THSD4: variants seen among roughly 807,000 people sequenced by gnomAD.
The protein encoded by THSD4 is thrombospondin type-1 domain-containing protein 4.
A neutral mutation model predicts 119.0 loss-of-function variants in THSD4; 69 were observed. The ratio of observed to expected loss-of-function variants is 0.58; its 90% CI spans 0.48 to 0.71. THSD4 has a LOEUF of 0.71. Among genes scored for constraint, THSD4 ranks in the 30% least tolerant of loss-of-function variants. The pLI is 0.00. For synonymous variants in THSD4, 524 were observed against 540.4 expected (o/e 0.97, Z 0.42); for missense variants, 1,393 against 1,391.1 (o/e 1.00, Z -0.02).
intron 6 of THSD4, among the ~76,000 whole-genome samples, chr15:71,363,599 C>T (rs1163842000): frequency 1.3e-5 from 2 of 152,152 alleles, no homozygotes; most frequent in African/African-American, 4.8e-5. Context: ...GACTCCTTTT[C>T]AAAGACAAAA....
chr15:71,366,275 C>G (rs10851841), intron 6 of THSD4, among the ~76,000 whole-genome samples: 30,338 of 152,078 alleles, frequency 0.2, 3,666 homozygotes, highest in East Asian at 0.54. Flanking sequence ...GGGGTTTCAC[C>G]ATGTTAGCCA....
At chr15:71,174,490 C>T (rs1331739943) in intron 3 of THSD4, among the ~76,000 whole-genome samples, 1 of 128,572 alleles carries the variant, frequency 7.8e-6, no homozygotes, top group African/African-American at 2.8e-5. Context: ...GGTCCTACGC[C>T]CACGGAATCT....
At chr15:71,257,395 C>G (rs1337514783) in intron 6 of THSD4, among the ~76,000 whole-genome samples, 1 of 152,030 alleles carries the variant, frequency 6.6e-6, no homozygotes, top group Non-Finnish European at 1.5e-5. Flanking sequence ...GGTGTTGGGT[C>G]AAGCAGAATT....
intron 7 of THSD4, among the ~76,000 whole-genome samples, chr15:71,548,646 T>C (rs1238924393): frequency 6.6e-6 from 1 of 152,182 alleles, no homozygotes; most frequent in African/African-American, 2.4e-5. Context: ...TGTGGGGGGA[T>C]TGAGCCCTTG....
intron 6 of THSD4, among the ~76,000 whole-genome samples, chr15:71,300,482 A>AT (rs1331757952): frequency 6.6e-6 from 1 of 152,174 alleles, no homozygotes; most frequent in Non-Finnish European, 1.5e-5. Flanking sequence ...TTGATTGCTG[A>AT]TTGTGAAGGA....
intron 7 of THSD4, among the ~76,000 whole-genome samples, chr15:71,453,721 C>T (rs1045984383): frequency 2.0e-5 from 3 of 152,072 alleles, no homozygotes; most frequent in Non-Finnish European, 2.9e-5. Flanking sequence ...TGGGTATGTG[C>T]GGTTTTAAAG....
intron 4 of THSD4, 63 bp downstream of exon 4, chr15:71,215,462 G>A: frequency 7.0e-7 from 1 of 1,423,242 alleles, no homozygotes; most frequent in Non-Finnish European, 9.3e-7. Flanking sequence ...CCCTGTCCCT[G>A]CCCCTGCCTC....
At chr15:71,425,586 C>G (rs2046856965) in intron 7 of THSD4, among the ~76,000 whole-genome samples, 1 of 152,148 alleles carries the variant, frequency 6.6e-6, no homozygotes, top group African/African-American at 2.4e-5. Context: ...GGGAATGTGT[C>G]AGTCCCTAAC....
Position 71,762,323 on chromosome 15 carries a change from A to G in THSD4, c.2590-2697A>G, listed in dbSNP as rs187199923. Among the ~76,000 whole-genome samples, 8 of 152,376 alleles carry G rather than the reference A, an allele frequency of 5.3e-5. 1 individual carries two copies. The highest frequency in any genetic ancestry group is 3.3e-4 in the Admixed American group (5 of 15,306). Reference sequence around the variant, plus strand: ...CAATCTCTTCAAGGACTTGCCAAAAATAGCAGAAGATAACTACAAGTTTTG... The same window carrying G: ...CAATCTCTTCAAGGACTTGCCAAAAGTAGCAGAAGATAACTACAAGTTTTG... On this transcript the variant is annotated intron_variant, in intron 15 of 17. Transcript: ENST00000261862.
intron 4 of THSD4, 123 bp from the exon 5 acceptor site, chr15:71,242,526 A>G: frequency 9.6e-7 from 1 of 1,037,842 alleles, no homozygotes; most frequent in Non-Finnish European, 1.4e-6. Context: ...TCCCAGTTCT[A>G]CCATAGACCC....
intron 1 of THSD4, among the ~76,000 whole-genome samples, chr15:71,126,013 G>C (rs1279956329): frequency 6.6e-6 from 1 of 152,218 alleles, no homozygotes; most frequent in African/African-American, 2.4e-5. Context: ...CTGTTGGGCA[G>C]GGGGCTGGCA....
At chr15:71,629,794 T>C (rs1030715177) in intron 7 of THSD4, among the ~76,000 whole-genome samples, 11 of 152,214 alleles carry the variant, frequency 7.2e-5, no homozygotes, top group African/African-American at 2.7e-4. Context: ...ATGTAGCTGA[T>C]AGCCCTGCTT....
intron 6 of THSD4, among the ~76,000 whole-genome samples, chr15:71,350,257 T>C (rs2045726996): frequency 6.6e-6 from 1 of 151,992 alleles, no homozygotes; most frequent in African/African-American, 2.4e-5. Flanking sequence ...ATTTACTCAC[T>C]AAAAATATCT....
At chr15:71,403,028 G>A (rs1022839499) in intron 6 of THSD4, among the ~76,000 whole-genome samples, 2 of 152,100 alleles carry the variant, frequency 1.3e-5, no homozygotes, top group African/African-American at 4.8e-5. Flanking sequence ...AATGTATTGG[G>A]TATTCTACGC....
intron 5 of THSD4, among the ~76,000 whole-genome samples, chr15:71,245,123 G>C (rs576820411): frequency 6.6e-6 from 1 of 152,170 alleles, no homozygotes; most frequent in South Asian, 2.1e-4. Context: ...AGGTCATGGT[G>C]TCTTCTGGCA....
chr15:71,320,937 A>G (rs1171824618), intron 6 of THSD4, among the ~76,000 whole-genome samples: 3 of 152,200 alleles, frequency 2.0e-5, no homozygotes, highest in Admixed American at 1.3e-4. Context: ...TTATTTTACT[A>G]TAACTTTTTA....
At chr15:71,390,045 C>T (rs548617548) in intron 6 of THSD4, among the ~76,000 whole-genome samples, 20 of 152,052 alleles carry the variant, frequency 1.3e-4, no homozygotes, top group Admixed American at 1.1e-3. Context: ...CTTTGTGATC[C>T]GCCCACCTCA....
intron 11 of THSD4, among the ~76,000 whole-genome samples, chr15:71,744,174 TTGAC>T (rs762102055): frequency 4.4e-4 from 66 of 149,020 alleles, no homozygotes; most frequent in Non-Finnish European, 8.9e-4. Flanking sequence ...TTTTTTTTAA[TTGAC>T]ACCTAGACAT....
chr15:71,453,343 C>T (rs1421093514), intron 7 of THSD4, among the ~76,000 whole-genome samples: 1 of 152,204 alleles, frequency 6.6e-6, no homozygotes, highest in Non-Finnish European at 1.5e-5. Flanking sequence ...GTACCCAGTT[C>T]TTACAAGTTC....
Sources: gnomAD v4.1 joint callset for allele counts (sites outside exome capture counted in the v4.1 genomes callset) on GRCh38, gnomAD v4.1.1 for gene constraint, MANE v1.5 for transcripts, NCBI Gene and HGNC (gene_info 2026-07-23, HGNC 2026-07-21) for gene names.